The following SLC14A2 variants were observed in gnomAD, a reference collection of about 807,000 sequenced individuals.
SLC14A2 encodes solute carrier family 14 member 2, also known as urea transporter 2.
In SLC14A2, 91 loss-of-function variants were observed where a neutral mutation model predicts 104.6. The ratio of observed to expected loss-of-function variants is 0.87; its 90% confidence interval spans 0.73 to 1.04. SLC14A2 has a LOEUF of 1.04. SLC14A2 is among the 50% of genes least tolerant of loss of function. SLC14A2 has a pLI of 0.00. For missense variants in SLC14A2, 1,189 were observed against 1,156.0 expected (o/e 1.03, Z -0.41); for synonymous variants, 476 against 466.4 (o/e 1.02, Z -0.27).
intron 2 of SLC14A2, among the ~76,000 whole-genome samples, chr18:45,585,306 C>A (rs977881298): frequency 2.0e-5 from 3 of 152,174 alleles, no homozygotes; most frequent in Admixed American, 1.3e-4. Flanking sequence ...GCAGTTATCA[C>A]CTCCCTAGCA....
chr18:45,535,679 C>T (rs1362706734), intron 2 of SLC14A2, among the ~76,000 whole-genome samples: 2 of 152,150 alleles, frequency 1.3e-5, no homozygotes, highest in Non-Finnish European at 2.9e-5. Flanking sequence ...GCCTGATGTT[C>T]GCACTCTTGC....
At chr18:45,283,003 G>A (rs375214156) in intron 1 of SLC14A2, among the ~76,000 whole-genome samples, 2 of 152,156 alleles carry the variant, frequency 1.3e-5, no homozygotes, top group African/African-American at 2.4e-5. Context: ...CCTCCGGCCC[G>A]GTTAAAGACA....
intron 1 of SLC14A2, among the ~76,000 whole-genome samples, chr18:45,299,374 T>C (rs905136537): frequency 1.3e-5 from 2 of 152,210 alleles, no homozygotes; most frequent in African/African-American, 4.8e-5. Flanking sequence ...TCGACACAGA[T>C]TAGCTCCCAG....
intron 12 of SLC14A2, 104 bp downstream of exon 12, chr18:45,666,323 A>G (rs1276184799): frequency 1.5e-5 from 11 of 725,806 alleles, no homozygotes; most frequent in Middle Eastern, 2.4e-4. Flanking sequence ...GATTTAGGCA[A>G]ACTTTTCTTG....
chr18:45,254,298 G>A lies in SLC14A2; in HGVS notation c.-125+41107G>A, dbSNP rs2084453170. ...TATTTGGTTTTGACTCCAAGTCCTG[G>A]CACCCTGGGGAGAGACACAGGAACC... On this transcript the variant is annotated intron_variant, in intron 1 of 20. Transcript: ENST00000586448. Among the ~76,000 whole-genome samples, 3 of 152,342 alleles carry A rather than the reference G, an allele frequency of 2.0e-5. No individual in the cohort carries two copies. In the South Asian group the frequency reaches 6.2e-4, roughly 32 times the overall value.
intron 1 of SLC14A2, among the ~76,000 whole-genome samples, chr18:45,468,482 T>TCC (rs1396292430): frequency 6.6e-6 from 1 of 151,956 alleles, no homozygotes; most frequent in Non-Finnish European, 1.5e-5. Context: ...CAGTCTGACC[T>TCC]CCCTTGTGCC....
rs374533148 is a variant in SLC14A2, at chr18:45,666,908, A to G, written c.1558-27A>G. ...GTGTAAGAACCACCGAATGTGGGAG[A>G]CTCTTGCCTATCTCTGTCCTGGACA... On this transcript the variant is annotated intron_variant, in intron 12 of 19. Transcript: ENST00000255226. The G allele has an allele frequency of 2.5e-6, 4 of 1,604,980 alleles. No individual in the cohort carries two copies. The African/African-American group carries it at 5.4e-5, about 21-fold the overall frequency.
chr18:45,421,402 A>G (rs112561106), intron 1 of SLC14A2, among the ~76,000 whole-genome samples: 8 of 152,304 alleles, frequency 5.3e-5, no homozygotes, highest in African/African-American at 1.9e-4. Context: ...ACCAGCATAA[A>G]AAGGTTTGGG....
At chr18:45,188,938 G>T in the SLC14A2 span, among the ~76,000 whole-genome samples, 8 of 152,160 alleles carry the variant, frequency 5.3e-5, no homozygotes, top group Admixed American at 5.2e-4. Context: ...CTGAAAGTGG[G>T]AATACCTCTG....
chr18:45,542,035 GTTTTTTTTTTTTTTTTTTTTTTTT>G (rs60977948), intron 2 of SLC14A2, among the ~76,000 whole-genome samples: 2 of 54,206 alleles, frequency 3.7e-5, no homozygotes, highest in Admixed American at 4.4e-4. Context: ...AAGAGAGAGG[GTTTTTTTTTTTTTTTTTTTTTTTT>G]TTTTTTTTTT....
At chr18:45,258,052 A>G (rs529841359) in intron 1 of SLC14A2, among the ~76,000 whole-genome samples, 4 of 152,268 alleles carry the variant, frequency 2.6e-5, no homozygotes, top group South Asian at 4.2e-4. Context: ...ACTGTTCTTC[A>G]TATTTGGCAT....
chr18:45,568,429 G>A (rs369409327), intron 2 of SLC14A2, among the ~76,000 whole-genome samples: 5 of 152,236 alleles, frequency 3.3e-5, no homozygotes, highest in Non-Finnish European at 7.3e-5. Context: ...GAGTTCTGCT[G>A]GCTAAATGTG....
intron 2 of SLC14A2, among the ~76,000 whole-genome samples, chr18:45,565,936 C>T (rs2144322198): frequency 6.6e-6 from 1 of 152,322 alleles, no homozygotes; most frequent in South Asian, 2.1e-4. Flanking sequence ...GCTCTATCCC[C>T]AGATAAAGTC....
intron 2 of SLC14A2, among the ~76,000 whole-genome samples, chr18:45,500,306 G>C (rs968998214): frequency 6.6e-6 from 1 of 151,710 alleles, no homozygotes; most frequent in Non-Finnish European, 1.5e-5. Context: ...GGCCGGGCGC[G>C]GTGGCTCACG....
At chr18:45,363,401 C>T (rs1266268179) in intron 1 of SLC14A2, among the ~76,000 whole-genome samples, 1 of 152,072 alleles carries the variant, frequency 6.6e-6, no homozygotes, top group Non-Finnish European at 1.5e-5. Flanking sequence ...ATAAGTAGGT[C>T]TGTGAAAGGA....
At chr18:45,565,451 T>A (rs1291725859) in intron 2 of SLC14A2, among the ~76,000 whole-genome samples, 1 of 152,226 alleles carries the variant, frequency 6.6e-6, no homozygotes, top group Non-Finnish European at 1.5e-5. Context: ...TACGTGAGCA[T>A]GCATGTGCAT....
intron 1 of SLC14A2, among the ~76,000 whole-genome samples, chr18:45,268,285 T>A (rs1039275684): frequency 1.9e-4 from 29 of 152,210 alleles, no homozygotes; most frequent in Non-Finnish European, 5.9e-5. Context: ...ATCTGGAGAA[T>A]TTAAATATGT....
chr18:45,604,563 C>T lies in SLC14A2; in HGVS notation c.-34-20068C>T, dbSNP rs182755807. 3.4e-3 allele frequency among the ~76,000 whole-genome samples: 516 copies of T among 152,236 alleles called. 2 individuals carry two copies. Among genetic ancestry groups the T allele is most frequent in the African/African-American group, 0.012 (491 of 41,544 alleles). On this transcript the variant is annotated intron_variant, in intron 2 of 20. Transcript: ENST00000586448. ...CATTCTTATGTTATATCAGAGGATA[C>T]ATATGGGGTCTAGTGAAACTCTGCA...
chr18:45,409,339 A>G (rs2086189747), intron 1 of SLC14A2, among the ~76,000 whole-genome samples: 1 of 152,172 alleles, frequency 6.6e-6, no homozygotes, highest in East Asian at 1.9e-4. Context: ...TGGGCCACTG[A>G]AAATTGGTTC....
Sources: gnomAD v4.1 joint callset for allele counts (sites outside exome capture counted in the v4.1 genomes callset) on GRCh38, gnomAD v4.1.1 for gene constraint, MANE v1.5 for transcripts, NCBI Gene and HGNC (gene_info 2026-07-23, HGNC 2026-07-21) for gene names.